Variants in NECAB1 observed in about 807,000 individuals in gnomAD.
NECAB1 encodes N-terminal EF-hand calcium binding protein 1, also known as N-terminal EF-hand calcium-binding protein 1.
In NECAB1, 29 loss-of-function variants were observed where a neutral mutation model predicts 57.5. The observed-to-expected ratio is 0.50, with a 90% CI of 0.38 to 0.69. NECAB1 has a LOEUF of 0.69. Ranked by LOEUF, NECAB1 falls within the 30% of genes least tolerant of loss-of-function variation. The pLI is 0.00. For synonymous variants in NECAB1, 142 were observed against 147.7 expected (o/e 0.96, Z 0.28); for missense variants, 372 against 413.8 (o/e 0.90, Z 0.88).
intron 4 of NECAB1, among the ~76,000 whole-genome samples, chr8:90,876,763 T>C (rs1489214541): frequency 6.6e-6 from 1 of 152,170 alleles, no homozygotes; most frequent in African/African-American, 2.4e-5. Flanking sequence ...CATCTGCTTA[T>C]AAACTGTGCT....
At chr8:90,879,935 A>G (rs1296467013) in intron 4 of NECAB1, among the ~76,000 whole-genome samples, 2 of 152,208 alleles carry the variant, frequency 1.3e-5, no homozygotes, top group African/African-American at 4.8e-5. Flanking sequence ...CTAAGTGTAT[A>G]CAGACTGTAT....
chr8:90,796,355 T>C (rs1811660875), intron 1 of NECAB1, among the ~76,000 whole-genome samples: 1 of 152,232 alleles, frequency 6.6e-6, no homozygotes, highest in Admixed American at 6.5e-5. Flanking sequence ...CCTGAGTCCC[T>C]GTCTTATATT....
chr8:90,921,388 G>C (rs960622146), intron 6 of NECAB1, among the ~76,000 whole-genome samples: 1 of 152,094 alleles, frequency 6.6e-6, no homozygotes, highest in Non-Finnish European at 1.5e-5. Context: ...CAACCTGCAG[G>C]TCAGGCATGG....
At chr8:90,856,784 G>C (rs1387043810) in intron 3 of NECAB1, among the ~76,000 whole-genome samples, 1 of 152,186 alleles carries the variant, frequency 6.6e-6, no homozygotes, top group Admixed American at 6.5e-5. Flanking sequence ...TGCTGACAAA[G>C]TGCAGCACTT....
At chr8:90,907,181 AGAGAGAG>A (rs1397787553) in intron 5 of NECAB1, among the ~76,000 whole-genome samples, 2,093 of 148,424 alleles carry the variant, frequency 0.014, 48 homozygotes, top group African/African-American at 0.051. Context: ...AGAGAGAGAG[AGAGAGAG>A]AATTAGTAGA....
intron 3 of NECAB1, among the ~76,000 whole-genome samples, chr8:90,844,570 T>C (rs1812521373): frequency 6.6e-6 from 1 of 152,128 alleles, no homozygotes; most frequent in Non-Finnish European, 1.5e-5. Flanking sequence ...CTACTGTCCT[T>C]ATGTCTAAAC....
At chr8:90,916,974 T>G (rs1809968789) in intron 5 of NECAB1, among the ~76,000 whole-genome samples, 1 of 152,204 alleles carries the variant, frequency 6.6e-6, no homozygotes, top group Non-Finnish European at 1.5e-5. Context: ...TTCTGAATTT[T>G]AAATAACTAC....
At chr8:90,921,709 C>A (rs1479888010) in intron 6 of NECAB1, among the ~76,000 whole-genome samples, 2 of 151,988 alleles carry the variant, frequency 1.3e-5, no homozygotes, top group Non-Finnish European at 2.9e-5. Context: ...TTACAACCTG[C>A]AGGTATCATT....
chr8:90,818,434 CAATT>C (rs1337710895), intron 2 of NECAB1, among the ~76,000 whole-genome samples: 3 of 152,098 alleles, frequency 2.0e-5, no homozygotes, highest in African/African-American at 7.2e-5. Flanking sequence ...ATTCTGCTCA[CAATT>C]AATTTGTTCA....
intron 12 of NECAB1, among the ~76,000 whole-genome samples, chr8:90,953,608 T>A (rs1227428347): frequency 6.6e-6 from 1 of 152,226 alleles, no homozygotes; most frequent in Non-Finnish European, 1.5e-5. Context: ...TATTGGGACA[T>A]CCCACCTTAT....
chr8:90,945,245 T>G (rs1586148677), intron 10 of NECAB1, among the ~76,000 whole-genome samples: 2 of 152,150 alleles, frequency 1.3e-5, no homozygotes, highest in Non-Finnish European at 1.5e-5. Context: ...TTTTTTGTAT[T>G]TTAGTAGAGA....
At chr8:90,910,543 A>G (rs1459113764) in intron 5 of NECAB1, among the ~76,000 whole-genome samples, 1 of 151,852 alleles carries the variant, frequency 6.6e-6, no homozygotes, top group Non-Finnish European at 1.5e-5. Context: ...TCTCTCCCCA[A>G]CTTTTTATCT....
chr8:90,932,109 C>T (rs529186647), intron 8 of NECAB1, among the ~76,000 whole-genome samples: 7 of 152,208 alleles, frequency 4.6e-5, no homozygotes, highest in Admixed American at 2.0e-4. Context: ...TTAAGTTTTT[C>T]ATACCTTAGA....
intron 2 of NECAB1, among the ~76,000 whole-genome samples, chr8:90,817,745 A>G (rs1812081819): frequency 6.6e-6 from 1 of 151,764 alleles, no homozygotes; most frequent in South Asian, 2.1e-4. Flanking sequence ...ATTTATGTTC[A>G]TTAGCTATAT....
At chr8:90,949,729 C>T (rs1810887971) in intron 10 of NECAB1, 78 bp from the exon 11 acceptor site, 3 of 726,040 alleles carry the variant, frequency 4.1e-6, no homozygotes, top group Non-Finnish European at 7.0e-6. Flanking sequence ...TTGTTTCATA[C>T]TACATATGGA....
intron 10 of NECAB1, among the ~76,000 whole-genome samples, chr8:90,948,600 G>A (rs991750187): frequency 6.6e-5 from 10 of 151,890 alleles, no homozygotes; most frequent in East Asian, 1.9e-4. Flanking sequence ...CTAACCCCTC[G>A]TTTTGCTTTC....
At chr8:90,920,058 TAAGGA>T (rs977028365) in intron 6 of NECAB1, among the ~76,000 whole-genome samples, 1 of 152,172 alleles carries the variant, frequency 6.6e-6, no homozygotes, top group Non-Finnish European at 1.5e-5. Flanking sequence ...ATATAGACTT[TAAGGA>T]AAGTAGAAGG....
chr8:90,854,077 A>G (rs13264873), intron 3 of NECAB1, among the ~76,000 whole-genome samples: 70,041 of 151,834 alleles, frequency 0.46, 19,586 homozygotes, highest in East Asian at 0.77. Context: ...AGGCCTGAAG[A>G]TTAGTTTCCT....
In NECAB1 at chr8:90,903,662, G is replaced by A. The variant is rs2130037468; in HGVS notation, c.358-13830G>A. 2.0e-5 allele frequency among the ~76,000 whole-genome samples: 3 copies of A among 152,266 alleles called. No homozygotes were observed. The South Asian group carries it at 6.2e-4, about 32-fold the overall frequency. On this transcript the variant is annotated intron_variant, in intron 5 of 12. Coordinates refer to ENST00000417640, the MANE Select transcript of NECAB1 (RefSeq NM_022351.5). ...TACTTAGCAACTTCTGTTTATAGCA[G>A]TTTGGGGGAAGAGATTCTTTCAACA...
Sources: allele counts gnomAD v4.1 joint callset (sites outside exome capture counted in the v4.1 genomes callset), GRCh38; gene constraint gnomAD v4.1.1; transcripts MANE v1.5; gene names NCBI Gene and HGNC (gene_info 2026-07-23, HGNC 2026-07-21).